Variants in LYRM4 observed in about 807,000 individuals in gnomAD.
LYRM4 encodes LYR motif containing 4.
In LYRM4, 9 loss-of-function variants were observed where a neutral mutation model predicts 11.7. The ratio of observed to expected loss-of-function variants is 0.77; its 90% CI spans 0.46 to 1.34. The LOEUF is 1.34. Among genes scored for constraint, LYRM4 ranks in the 40% most tolerant of loss-of-function variants. The pLI is 0.00. For synonymous variants in LYRM4, 42 were observed against 40.4 expected, an observed-to-expected ratio of 1.04 and a Z score of -0.15; for missense variants, 133 against 112.5, an observed-to-expected ratio of 1.18 and a Z score of -0.82.
At chr6:5,209,461 AGATT>A (rs1417626468) in intron 2 of LYRM4, among the ~76,000 whole-genome samples, 1 of 152,228 alleles carries the variant, frequency 6.6e-6, no homozygotes, top group Admixed American at 6.5e-5. Flanking sequence ...TTAAATATGT[AGATT>A]GATCCTTTGA....
intron 1 of LYRM4, among the ~76,000 whole-genome samples, chr6:5,250,147 C>T (rs550880939): frequency 1.6e-4 from 25 of 151,982 alleles, no homozygotes; most frequent in Non-Finnish European, 3.4e-4. Context: ...TCTTTATTTT[C>T]TCATTGCTTT....
chr6:5,185,104 G>GCT (rs1760308573), intron 2 of LYRM4, among the ~76,000 whole-genome samples: 1 of 152,138 alleles, frequency 6.6e-6, no homozygotes, highest in Non-Finnish European at 1.5e-5. Context: ...ATCACAATAC[G>GCT]CTCCTACCTA....
chr6:5,107,031 G>A (rs549588833), downstream of LYRM4: 1 of 152,410 alleles, frequency 6.6e-6, no homozygotes, highest in Non-Finnish European at 1.5e-5. Context: ...GGAGTACCCA[G>A]TGCCAGGCTC....
chr6:5,107,173 T>G (rs1762686148), downstream of LYRM4: 1 of 152,258 alleles, frequency 6.6e-6, no homozygotes, highest in Non-Finnish European at 1.5e-5. Context: ...AAGTCTGCAT[T>G]AGCAAGGCTT....
At chr6:5,087,333 C>T in the LYRM4 span, 2 of 152,236 alleles carry the variant, frequency 1.3e-5, no homozygotes, top group South Asian at 2.1e-4. Context: ...AAACAACAGC[C>T]TACAAATTCC....
At chr6:5,105,007 C>G (rs893257142), downstream of LYRM4, 2 of 152,228 alleles carry the variant, frequency 1.3e-5, no homozygotes, top group African/African-American at 4.8e-5. Flanking sequence ...TGTCCCCATA[C>G]AGGAGACCTG....
intron 2 of LYRM4, among the ~76,000 whole-genome samples, chr6:5,141,680 C>G (rs1757416848): frequency 6.6e-6 from 1 of 152,218 alleles, no homozygotes; most frequent in African/African-American, 2.4e-5. Flanking sequence ...CATCTCAACA[C>G]TCACGGAGGT....
At chr6:5,228,417 C>T (rs994173903) in intron 1 of LYRM4, among the ~76,000 whole-genome samples, 1 of 152,116 alleles carries the variant, frequency 6.6e-6, no homozygotes, top group South Asian at 2.1e-4. Context: ...GCTGGGACTA[C>T]AGGTGCATGC....
rs968484409 is a variant in LYRM4 at position 5,218,334 on chromosome 6, A to G, written c.87-1596T>C. Reference sequence around the variant, plus strand: ...GAAATACAGGCAAAGAAATGAGAGGAGGGGATATAAATTTCCTTGGGAGCA... The same window carrying G: ...GAAATACAGGCAAAGAAATGAGAGGGGGGGATATAAATTTCCTTGGGAGCA... On this transcript the variant is annotated intron_variant, in intron 1 of 2. Coordinates refer to ENST00000330636, the MANE Select transcript of LYRM4 (RefSeq NM_020408.6). The G allele has an allele frequency of 1.9e-5, 19 of 984,794 alleles. No individual in the cohort carries two copies. The African/African-American group carries it at 3.1e-4, about 16-fold the overall frequency. 61.0% of individuals were successfully genotyped at this position (984,794 alleles called of 1,614,324 possible).
intron 2 of LYRM4, among the ~76,000 whole-genome samples, chr6:5,166,605 C>T (rs548725276): frequency 6.6e-6 from 1 of 152,244 alleles, no homozygotes; most frequent in East Asian, 1.9e-4. Flanking sequence ...CCCAAAATAA[C>T]CCACGTTGGG....
At chr6:5,074,408 T>C in the LYRM4 span, among the ~76,000 whole-genome samples, 2 of 149,038 alleles carry the variant, frequency 1.3e-5, no homozygotes, top group African/African-American at 2.5e-5. Flanking sequence ...TTTTTTTTTT[T>C]TTTTTTTTTT....
chr6:5,153,137 G>A (rs1033455488), intron 2 of LYRM4, among the ~76,000 whole-genome samples: 3 of 152,058 alleles, frequency 2.0e-5, no homozygotes, highest in Non-Finnish European at 2.9e-5. Flanking sequence ...TCGTTCTGTC[G>A]TTCAGGCTGG....
intron 2 of LYRM4, among the ~76,000 whole-genome samples, chr6:5,129,132 C>A (rs557283072): frequency 6.0e-4 from 92 of 152,334 alleles, no homozygotes; most frequent in Non-Finnish European, 1.0e-3. Flanking sequence ...ATGGTGTGAT[C>A]TTCGGACTGC....
At chr6:5,070,417 G>T in the LYRM4 span, among the ~76,000 whole-genome samples, 1 of 152,178 alleles carries the variant, frequency 6.6e-6, no homozygotes, top group Non-Finnish European at 1.5e-5. Flanking sequence ...ATTATTGCTA[G>T]ATAGTGAAAG....
At chr6:5,244,548 T>C (rs574702782) in intron 1 of LYRM4, among the ~76,000 whole-genome samples, 1 of 152,188 alleles carries the variant, frequency 6.6e-6, no homozygotes, top group Admixed American at 6.5e-5. Flanking sequence ...GAGAGACTCC[T>C]CTCTGGGCTA....
At chr6:5,231,618 T>C (rs1326595694) in intron 1 of LYRM4, among the ~76,000 whole-genome samples, 1 of 152,216 alleles carries the variant, frequency 6.6e-6, no homozygotes, top group Non-Finnish European at 1.5e-5. Context: ...TTTTCCCTGT[T>C]GCAGAGAAGT....
chr6:5,044,593 G>A, the LYRM4 span, among the ~76,000 whole-genome samples: 1 of 152,158 alleles, frequency 6.6e-6, no homozygotes, highest in Non-Finnish European at 1.5e-5. Context: ...TCAAAAAGGC[G>A]GCCATGGTTT....
chr6:5,126,009 C>T (rs181902755), intron 2 of LYRM4, among the ~76,000 whole-genome samples: 133 of 152,342 alleles, frequency 8.7e-4, no homozygotes, highest in African/African-American at 3.0e-3. Context: ...GCGAAGACAT[C>T]GCCTTTCACC....
At chr6:5,162,488 A>G (rs1758818698) in intron 2 of LYRM4, among the ~76,000 whole-genome samples, 1 of 150,902 alleles carries the variant, frequency 6.6e-6, no homozygotes, top group Admixed American at 6.6e-5. Flanking sequence ...ATGGAGCGAC[A>G]GAGAGCGAGC....
Sources: gnomAD v4.1 joint callset for allele counts (sites outside exome capture counted in the v4.1 genomes callset) on GRCh38, gnomAD v4.1.1 for gene constraint, MANE v1.5 for transcripts, NCBI Gene and HGNC (gene_info 2026-07-23, HGNC 2026-07-21) for gene names.